Variants in NUP54 observed in about 807,000 individuals in gnomAD.
NUP54 encodes the protein nucleoporin 54, also known as nucleoporin p54.
NUP54 carries 27 observed loss-of-function variants against 66.4 expected under a neutral mutation model. The ratio of observed to expected loss-of-function variants is 0.41; its 90% CI spans 0.30 to 0.56. NUP54 has a LOEUF of 0.56. NUP54 is among the 20% of genes least tolerant of loss of function. The pLI is 0.34. For missense variants in NUP54, 486 were observed against 596.3 expected, an observed-to-expected ratio of 0.82 and a Z score of 1.93; for synonymous variants, 206 against 210.7, an observed-to-expected ratio of 0.98 and a Z score of 0.19.
At chr4:76,144,070 A>G (rs11724260) in intron 3 of NUP54, 79 bp downstream of exon 3, 193,693 of 1,383,220 alleles carry the variant, frequency 0.14, 14,892 homozygotes, top group East Asian at 0.34. Context: ...AAAGTCCACT[A>G]AAGTATTCTG....
rs1491334701 is a variant in NUP54 at position 76,118,574 on chromosome 4, G to GGGGCGGGGC, written c.1165-381_1165-380insGCCCCGCCC. ...TTTTTTAATTTTTTTGTGGCGGGGTGGGGGGGGGGGTCTCACTATGTGGCC... is the reference window on the plus strand; with the variant it reads ...TTTTTTAATTTTTTTGTGGCGGGGTGGGGCGGGGCGGGGGGGGGGTCTCACTATGTGGCC... On this transcript the variant is annotated intron_variant, in intron 9 of 11. Transcript: ENST00000264883. 3 of 37,020 alleles carry GGGGCGGGGC rather than the reference G, an allele frequency of 8.1e-5. No homozygotes were observed. In the East Asian group the frequency reaches 7.5e-3, roughly 92 times the overall value. 2.3% of individuals were successfully genotyped at this position (37,020 alleles called of 1,614,324 possible). A position where few individuals can be genotyped will look rare whatever the true frequency, so the allele number is the denominator to read the frequency against.
chr4:76,146,101 A>G, intron 1 of NUP54: 1 of 451,722 alleles, frequency 2.2e-6, no homozygotes, highest in East Asian at 7.0e-5. Context: ...ATGCTCCACA[A>G]CATCAAAAAT....
chr4:76,132,860 CTTTT>C (rs375936861), intron 5 of NUP54, 141 bp from the exon 6 acceptor site: 699 of 514,030 alleles, frequency 1.4e-3, no homozygotes, highest in South Asian at 2.4e-3. Context: ...AAAATGTTTC[CTTTT>C]TTTTTTTTTT....
chr4:76,145,550 C>A (rs1244451557), intron 1 of NUP54: 1 of 1,271,338 alleles, frequency 7.9e-7, no homozygotes, highest in Admixed American at 2.4e-5. Flanking sequence ...TACCAATATA[C>A]TTACCTCCAA....
At chr4:76,135,262 A>C (rs535497960) in intron 4 of NUP54, among the ~76,000 whole-genome samples, 64 of 152,142 alleles carry the variant, frequency 4.2e-4, no homozygotes, top group Non-Finnish European at 7.9e-4. Flanking sequence ...TTTTCTAAAT[A>C]ATTGCTCTTT....
At chr4:76,124,433 C>T (rs943057663) in intron 9 of NUP54, 1 of 293,292 alleles carries the variant, frequency 3.4e-6, no homozygotes, top group South Asian at 1.2e-4. Context: ...CAAACTGTCA[C>T]TAAAATACGA....
intron 1 of NUP54, chr4:76,145,559 A>C (rs1042332211): frequency 7.8e-7 from 1 of 1,275,210 alleles, no homozygotes; most frequent in Non-Finnish European, 1.0e-6. Context: ...ACTTACCTCC[A>C]AACAACAAGA....
chr4:76,123,148 G>A (rs146529597), intron 9 of NUP54, among the ~76,000 whole-genome samples: 29 of 152,306 alleles, frequency 1.9e-4, no homozygotes, highest in Middle Eastern at 3.4e-3. Flanking sequence ...GGTTATACAA[G>A]TCTCTGAATA....
chr4:76,139,802 G>A (rs1193260377), intron 3 of NUP54, among the ~76,000 whole-genome samples: 1 of 152,158 alleles, frequency 6.6e-6, no homozygotes, highest in Non-Finnish European at 1.5e-5. Flanking sequence ...GGAAAAAGGA[G>A]ATGGACAATA....
intron 3 of NUP54, among the ~76,000 whole-genome samples, chr4:76,138,314 A>T (rs971010385): frequency 6.6e-6 from 1 of 150,662 alleles, no homozygotes; most frequent in South Asian, 2.1e-4. Flanking sequence ...ATATGCAGTC[A>T]GCCTCCCATG....
At chr4:76,144,800 A>G (rs1006486720) in intron 1 of NUP54, among the ~76,000 whole-genome samples, 8 of 152,244 alleles carry the variant, frequency 5.3e-5, no homozygotes, top group African/African-American at 1.2e-4. Context: ...ATGTACTTTT[A>G]GAGGAGGTGT....
At chr4:76,135,453 T>C (rs1198786651) in intron 4 of NUP54, among the ~76,000 whole-genome samples, 5 of 152,348 alleles carry the variant, frequency 3.3e-5, no homozygotes, top group Non-Finnish European at 7.4e-5. Context: ...AAATTTCAAC[T>C]ATATGCACTC....
At chr4:76,129,164 T>C (rs1271089779) in intron 8 of NUP54, among the ~76,000 whole-genome samples, 1 of 152,230 alleles carries the variant, frequency 6.6e-6, no homozygotes, top group Non-Finnish European at 1.5e-5. Flanking sequence ...TATATCCATG[T>C]ATTGAATTAT....
rs893339417 is a variant in NUP54 at position 76,132,438 on chromosome 4, TAACC to T, written c.907+81_907+84del. On this transcript the variant is annotated intron_variant, in intron 6 of 11. Transcript: ENST00000264883. Reference sequence around the variant, plus strand: ...ATGATACTAATTTTATTAGCATTAATAACCAACCAACACCTCTGAAATACGGGGA... The same window carrying T: ...ATGATACTAATTTTATTAGCATTAATAACCAACACCTCTGAAATACGGGGA... 2.8e-5 allele frequency: 28 copies of T among 1,013,076 alleles called. No homozygotes were observed. In the Admixed American group the frequency reaches 7.7e-4, roughly 28 times the overall value. 62.8% of individuals were successfully genotyped at this position (1,013,076 alleles called of 1,614,324 possible).
At chr4:76,129,793 A>T (rs1730701141) in intron 8 of NUP54, among the ~76,000 whole-genome samples, 1 of 132,014 alleles carries the variant, frequency 7.6e-6, no homozygotes, top group Admixed American at 8.9e-5. Flanking sequence ...TGAACTCAGG[A>T]GGTGGAGCTT....
chr4:76,115,320 A>G lies in NUP54; in HGVS notation c.*46T>C. 1 of 1,493,008 alleles carries G rather than the reference A, an allele frequency of 6.7e-7. No individual in the cohort carries two copies. Among genetic ancestry groups the G allele is most frequent in the Non-Finnish European group, 8.9e-7 (1 of 1,121,814 alleles). 92.5% of individuals were successfully genotyped at this position (1,493,008 alleles called of 1,614,324 possible). On this transcript the variant is annotated 3_prime_UTR_variant, in exon 12 of 12. Transcript: ENST00000264883. ...TTCATTCTTAAGGAAGGTCTGATGC[A>G]GTAAGAAGATGCATTTCACAAACCT...
At chr4:76,131,031 C>A (rs138269465) in intron 7 of NUP54, among the ~76,000 whole-genome samples, 199 bp downstream of exon 7, 306 of 150,256 alleles carry the variant, frequency 2.0e-3, no homozygotes, top group African/African-American at 7.0e-3. Context: ...TGCTGCCTTA[C>A]CATAATCTTT....
chr4:76,129,974 T>G (rs1167023602), intron 8 of NUP54, among the ~76,000 whole-genome samples: 54 of 31,644 alleles, frequency 1.7e-3, no homozygotes, highest in African/African-American at 9.2e-3. Context: ...AAGTTTTTTT[T>G]TTTTTTTTTT....
chr4:76,118,887 C>T (rs547181925), intron 9 of NUP54, among the ~76,000 whole-genome samples: 7 of 152,064 alleles, frequency 4.6e-5, no homozygotes, highest in Admixed American at 6.5e-5. Context: ...CGCCTGTAGT[C>T]CCAGCTACTC....
Sources: gnomAD v4.1 joint callset for allele counts (sites outside exome capture counted in the v4.1 genomes callset) on GRCh38, gnomAD v4.1.1 for gene constraint, MANE v1.5 for transcripts, NCBI Gene and HGNC (gene_info 2026-07-23, HGNC 2026-07-21) for gene names.